The following NTM variants were observed in gnomAD, a reference collection of about 807,000 sequenced individuals.
NTM encodes IgLON family member 2.
A neutral mutation model predicts 42.1 loss-of-function variants in NTM; 13 were observed. The ratio of observed to expected loss-of-function variants is 0.31; its 90% CI spans 0.20 to 0.49. NTM has a LOEUF of 0.49. Among genes scored for constraint, NTM ranks in the 20% least tolerant of loss-of-function variants. The pLI is 0.99. For missense variants in NTM, 373 were observed against 452.8 expected (o/e 0.82, Z 1.60); for synonymous variants, 187 against 179.2 (o/e 1.04, Z -0.35).
At chr11:132,280,969 TTCTC>T (rs1377682232) in intron 4 of NTM, among the ~76,000 whole-genome samples, 1 of 152,222 alleles carries the variant, frequency 6.6e-6, no homozygotes, top group Non-Finnish European at 1.5e-5. Flanking sequence ...GCAAATAACA[TTCTC>T]TCACTATTAG....
intron 2 of NTM, among the ~76,000 whole-genome samples, chr11:131,935,177 G>T (rs1161226936): frequency 6.6e-6 from 1 of 152,146 alleles, no homozygotes; most frequent in African/African-American, 2.4e-5. Flanking sequence ...TATATTCTCG[G>T]CTACCTTAAA....
intron 1 of NTM, among the ~76,000 whole-genome samples, chr11:131,638,873 A>T (rs1017498709): frequency 5.3e-5 from 8 of 152,154 alleles, no homozygotes; most frequent in East Asian, 3.9e-4. Flanking sequence ...TGAAAAAAAA[A>T]AAGTTTAAAT....
At chr11:131,848,854 CTG>C (rs2045218566) in intron 1 of NTM, among the ~76,000 whole-genome samples, 1 of 152,172 alleles carries the variant, frequency 6.6e-6, no homozygotes, top group Non-Finnish European at 1.5e-5. Context: ...AGTTTCAACA[CTG>C]TTTTTCTCAC....
At chr11:131,990,510 CATGTGT>C (rs1307794101) in intron 2 of NTM, among the ~76,000 whole-genome samples, 1 of 151,464 alleles carries the variant, frequency 6.6e-6, no homozygotes, top group Non-Finnish European at 1.5e-5. Flanking sequence ...TGTGTGTTTG[CATGTGT>C]GTGTGTGTGT....
At chr11:132,260,660 C>CA (rs1481800966) in intron 4 of NTM, among the ~76,000 whole-genome samples, 1 of 152,120 alleles carries the variant, frequency 6.6e-6, no homozygotes, top group Non-Finnish European at 1.5e-5. Context: ...TAAAATATTT[C>CA]AAAAAATGAT....
intron 3 of NTM, among the ~76,000 whole-genome samples, chr11:132,195,590 T>C (rs2080075569): frequency 6.6e-6 from 1 of 151,982 alleles, no homozygotes; most frequent in Admixed American, 6.6e-5. Context: ...AACAGCATGG[T>C]GATGTTACAA....
intron 1 of NTM, among the ~76,000 whole-genome samples, chr11:131,669,925 G>T (rs2134616460): frequency 6.6e-6 from 1 of 152,330 alleles, no homozygotes; most frequent in South Asian, 2.1e-4. Context: ...ATTTGCTGAA[G>T]GGAGAGAAGT....
chr11:132,069,388 T>C (rs28376187), intron 2 of NTM, among the ~76,000 whole-genome samples: 3,356 of 50,156 alleles, frequency 0.067, 30 homozygotes, highest in African/African-American at 0.11. Flanking sequence ...AACACGTCAC[T>C]CAGCCAAGTT....
intron 1 of NTM, among the ~76,000 whole-genome samples, chr11:131,567,822 A>T (rs1421126279): frequency 6.6e-6 from 1 of 152,252 alleles, no homozygotes; most frequent in Non-Finnish European, 1.5e-5. Context: ...GGCACCAGTG[A>T]AGGCAGAACA....
chr11:131,867,345 G>A (rs1351358162), intron 1 of NTM, among the ~76,000 whole-genome samples: 1 of 152,124 alleles, frequency 6.6e-6, no homozygotes, highest in Non-Finnish European at 1.5e-5. Flanking sequence ...GGATGGAGAG[G>A]TCTGCCTGTA....
intron 1 of NTM, among the ~76,000 whole-genome samples, chr11:131,788,984 G>A (rs939248278): frequency 6.6e-6 from 1 of 152,096 alleles, no homozygotes; most frequent in African/African-American, 2.4e-5. Context: ...CCCGTTTGCT[G>A]AGCTGTTCTT....
At chr11:131,965,010 G>A (rs1248916830) in intron 2 of NTM, among the ~76,000 whole-genome samples, 1 of 152,126 alleles carries the variant, frequency 6.6e-6, no homozygotes, top group Non-Finnish European at 1.5e-5. Context: ...TGATCAAGAG[G>A]AGAGGATGGG....
chr11:131,828,675 C>T (rs1161859101), intron 1 of NTM, among the ~76,000 whole-genome samples: 5 of 152,280 alleles, frequency 3.3e-5, no homozygotes, highest in African/African-American at 1.2e-4. Flanking sequence ...TGATTGTGAT[C>T]ACCCACTGTC....
intron 1 of NTM, among the ~76,000 whole-genome samples, chr11:131,857,904 T>C (rs1273138054): frequency 6.6e-6 from 1 of 152,162 alleles, no homozygotes; most frequent in East Asian, 1.9e-4. Context: ...ATTTGCAGGA[T>C]TGAGCTTCGT....
In NTM at chr11:131,722,021, A is replaced by AAAAAGAG. The variant is rs368857349; in HGVS notation, c.83-189542_83-189541insAAAGAGA. Among the ~76,000 whole-genome samples, 481 of 112,816 alleles carry AAAAAGAG rather than the reference A, an allele frequency of 4.3e-3. 47 individuals carry two copies. Among genetic ancestry groups the AAAAAGAG allele is most frequent in the African/African-American group, 9.1e-3 (268 of 29,444 alleles). 74.0% of individuals were successfully genotyped at this position (112,816 alleles called of 152,430 possible). Reference sequence around the variant, plus strand: ...CAAAAAAAAAAAAAAAAAAAAAAAAAAGAGAGAAAGAAAGAAAATAATGCT... The same window carrying AAAAAGAG: ...CAAAAAAAAAAAAAAAAAAAAAAAAAAAAAGAGAGAGAGAAAGAAAGAAAATAATGCT... On this transcript the variant is annotated intron_variant, in intron 1 of 8. Coordinates refer to ENST00000683400, the MANE Select transcript of NTM (RefSeq NM_001352005.2).
intron 3 of NTM, among the ~76,000 whole-genome samples, chr11:132,203,666 C>A (rs980328211): frequency 3.9e-5 from 6 of 152,042 alleles, no homozygotes; most frequent in African/African-American, 1.4e-4. Flanking sequence ...CTGAGGCGGG[C>A]AGATCACGAG....
At chr11:131,969,069 CAG>C (rs1170474997) in intron 2 of NTM, among the ~76,000 whole-genome samples, 2 of 152,196 alleles carry the variant, frequency 1.3e-5, no homozygotes, top group Non-Finnish European at 2.9e-5. Context: ...AGATTAAAAA[CAG>C]AAGAGGGCTA....
At chr11:131,667,779 C>T (rs766361857) in intron 1 of NTM, among the ~76,000 whole-genome samples, 2 of 152,196 alleles carry the variant, frequency 1.3e-5, no homozygotes, top group Non-Finnish European at 2.9e-5. Context: ...AACCCATGGA[C>T]GCCCTCCCCA....
At chr11:131,449,520 A>G (rs1950321862) in intron 1 of NTM, among the ~76,000 whole-genome samples, 1 of 152,208 alleles carries the variant, frequency 6.6e-6, no homozygotes, top group Non-Finnish European at 1.5e-5. Flanking sequence ...TCTTGCCTGC[A>G]GAGGGATTAT....
Sources: gnomAD v4.1 joint callset for allele counts (sites outside exome capture counted in the v4.1 genomes callset) on GRCh38, gnomAD v4.1.1 for gene constraint, MANE v1.5 for transcripts, NCBI Gene and HGNC (gene_info 2026-07-23, HGNC 2026-07-21) for gene names.